HORMAD2: variants seen among roughly 807,000 people sequenced by gnomAD.
The protein encoded by HORMAD2 is HORMA domain containing 2, also known as HORMA domain-containing protein 2.
In HORMAD2, 45 loss-of-function variants were observed where a neutral mutation model predicts 38.8. The observed-to-expected ratio is 1.16, with a 90% CI of 0.91 to 1.49. The LOEUF (loss-of-function observed/expected upper bound fraction) is 1.49. Ranked by LOEUF, HORMAD2 falls within the 40% of genes most tolerant of loss-of-function variation. The pLI, the probability that HORMAD2 is intolerant of heterozygous loss-of-function variation, is 0.00. For missense variants in HORMAD2, 338 were observed against 367.0 expected (o/e 0.92, Z 0.65); for synonymous variants, 126 against 122.8 (o/e 1.03, Z -0.17).
intron 10 of HORMAD2, among the ~76,000 whole-genome samples, chr22:30,158,460 C>CCTTT (rs149994542): frequency 6.6e-6 from 1 of 151,878 alleles, no homozygotes; most frequent in Non-Finnish European, 1.5e-5. Context: ...CTCTTTCTTT[C>CCTTT]CTTTCTTTCT....
At chr22:30,189,605 C>T in the HORMAD2 span, among the ~76,000 whole-genome samples, 1 of 152,132 alleles carries the variant, frequency 6.6e-6, no homozygotes, top group Non-Finnish European at 1.5e-5. Flanking sequence ...CTGAGTGCAC[C>T]TGTACCACGT....
chr22:30,101,559 C>T (rs1240140006), intron 3 of HORMAD2, among the ~76,000 whole-genome samples: 1 of 150,946 alleles, frequency 6.6e-6, no homozygotes, highest in Admixed American at 6.6e-5. Flanking sequence ...CCTGCACTTT[C>T]TGCACATGTA....
the HORMAD2 span, among the ~76,000 whole-genome samples, chr22:30,189,841 T>G: frequency 6.6e-6 from 1 of 152,144 alleles, no homozygotes; most frequent in Non-Finnish European, 1.5e-5. Context: ...GCTGTTCCTG[T>G]GCTCTCACAC....
intron 10 of HORMAD2, among the ~76,000 whole-genome samples, chr22:30,131,213 C>A (rs959254338): frequency 6.6e-6 from 1 of 152,114 alleles, no homozygotes; most frequent in African/African-American, 2.4e-5. Flanking sequence ...AACCCAATCT[C>A]CTTAAAAAAT....
At position 30,113,873 on chromosome 22, in the gene HORMAD2, A is replaced by G. The variant is rs191221500; in HGVS notation, c.342+1351A>G. Among the ~76,000 whole-genome samples the G allele has an allele frequency of 3.0e-3, 458 of 152,296 alleles. 11 individuals carry two copies. Among genetic ancestry groups the G allele is most frequent in the Admixed American group, 0.026 (395 of 15,302 alleles). The stretch of plus-strand genomic sequence containing the variant: ...ACATACGGTAGGTAGCAATTCCTCA[A>G]TGCCCAAACTAGTTCTATCTTTTAT... On this transcript the variant is annotated intron_variant, in intron 7 of 10. Coordinates refer to ENST00000336726, the MANE Select transcript of HORMAD2 (RefSeq NM_152510.4).
At chr22:30,202,377 G>A in the HORMAD2 span, among the ~76,000 whole-genome samples, 3 of 151,872 alleles carry the variant, frequency 2.0e-5, no homozygotes, top group Non-Finnish European at 1.5e-5. Context: ...TTGGGGTGAG[G>A]AGTGGGAGTT....
Position 30,176,108 on chromosome 22 carries a change from T to C in HORMAD2, c.865T>C (p.Ser289Pro). ...FVCSQQSSEC[S>P]RKKRKVSEPV... Reference sequence around the variant, plus strand: ...GTGCAGTCAGCAAAGTTCTGAGTGCTCCAGGAAGAAGAGGAAGGTCAGTGA... The same window carrying C: ...GTGCAGTCAGCAAAGTTCTGAGTGCCCCAGGAAGAAGAGGAAGGTCAGTGA... The change falls in exon 11 of 11, where the codon TCC (serine) becomes CCC (proline). Residue 289 changes from serine to proline, a missense_variant. Coordinates refer to ENST00000336726, the MANE Select transcript of HORMAD2 (RefSeq NM_152510.4). 1.9e-6 allele frequency: 3 copies of C among 1,613,440 alleles called. No individual in the cohort carries two copies. The highest frequency in any genetic ancestry group is 2.5e-6 in the Non-Finnish European group (3 of 1,179,518).
At chr22:30,088,943 G>A (rs1455080044) in intron 1 of HORMAD2, among the ~76,000 whole-genome samples, 2 of 152,104 alleles carry the variant, frequency 1.3e-5, no homozygotes, top group African/African-American at 4.8e-5. Context: ...TATTAGATAT[G>A]AAGGTTATAG....
chr22:30,205,212 A>G, the HORMAD2 span, among the ~76,000 whole-genome samples: 1 of 152,204 alleles, frequency 6.6e-6, no homozygotes, highest in African/African-American at 2.4e-5. Context: ...TACAGATAGA[A>G]TAACTGGTCA....
intron 1 of HORMAD2, among the ~76,000 whole-genome samples, chr22:30,084,916 C>A (rs190646331): frequency 6.6e-6 from 1 of 151,902 alleles, no homozygotes; most frequent in Non-Finnish European, 1.5e-5. Flanking sequence ...GAGGCCGAGG[C>A]GGGCGGATCA....
At chr22:30,132,560 A>G (rs574248201) in intron 10 of HORMAD2, among the ~76,000 whole-genome samples, 2 of 151,820 alleles carry the variant, frequency 1.3e-5, no homozygotes, top group African/African-American at 4.8e-5. Flanking sequence ...AAACAAAACC[A>G]AAAAACCACA....
chr22:30,105,766 A>T (rs1921143640), intron 5 of HORMAD2, among the ~76,000 whole-genome samples: 1 of 152,174 alleles, frequency 6.6e-6, no homozygotes, highest in Non-Finnish European at 1.5e-5. Context: ...AAAATATTGA[A>T]ATATTTCTGT....
intron 10 of HORMAD2, among the ~76,000 whole-genome samples, chr22:30,123,844 A>AT (rs902108666): frequency 7.4e-5 from 11 of 148,998 alleles, no homozygotes; most frequent in South Asian, 6.4e-4. Context: ...CTTATTTTTT[A>AT]TTTTTTTTAG....
rs149978112 is a variant in HORMAD2, at chr22:30,176,089, T to C, written c.846T>C (p.Ser282=). 2.2e-5 allele frequency: 35 copies of C among 1,613,014 alleles called. No homozygotes were observed. In the African/African-American group the frequency reaches 2.9e-4, roughly 14 times the overall value. ...TTCAAAGAATGAATTTTGTGTGCAG[T>C]CAGCAAAGTTCTGAGTGCTCCAGGA... ...DHIQRMNFVC[S]QQSSECSRKK... Residue 282 remains serine, a synonymous_variant, in exon 11 of 11, where the codon AGT becomes AGC. Coordinates refer to ENST00000336726, the MANE Select transcript of HORMAD2 (RefSeq NM_152510.4).
chr22:30,158,167 G>T (rs1465650235), intron 10 of HORMAD2, among the ~76,000 whole-genome samples: 1 of 151,930 alleles, frequency 6.6e-6, no homozygotes, highest in African/African-American at 2.4e-5. Flanking sequence ...AATTCTCTCA[G>T]TGGAAATCCC....
intron 7 of HORMAD2, among the ~76,000 whole-genome samples, chr22:30,116,269 G>A (rs4823073): frequency 0.55 from 83,144 of 152,036 alleles, 23,650 homozygotes; most frequent in African/African-American, 0.69. Context: ...GGGACAGATG[G>A]GTAGGGCCTT....
intron 10 of HORMAD2, among the ~76,000 whole-genome samples, chr22:30,152,301 A>G (rs368100689): frequency 8.1e-4 from 123 of 152,030 alleles, no homozygotes; most frequent in African/African-American, 2.7e-3. Context: ...GGGCTCAAAC[A>G]ATCCTCCTGC....
rs1329684782 is a variant in HORMAD2 at position 30,176,050 on chromosome 22, G to T, written c.820-13G>T. 4.4e-6 allele frequency: 7 copies of T among 1,575,486 alleles called. No individual in the cohort carries two copies. In the Admixed American group the frequency reaches 1.2e-4, roughly 26 times the overall value. On this transcript the variant is annotated splice_polypyrimidine_tract_variant and intron_variant, in intron 10 of 10. Coordinates refer to ENST00000336726, the MANE Select transcript of HORMAD2 (RefSeq NM_152510.4). ...CTCTGCTGAATTGTGCCTCTCTCTG[G>T]TGATTCTCACAGATTCAAAGAATGA...
At chr22:30,178,739 G>T (rs945086855), downstream of HORMAD2, among the ~76,000 whole-genome samples, 1 of 152,130 alleles carries the variant, frequency 6.6e-6, no homozygotes, top group Non-Finnish European at 1.5e-5. Flanking sequence ...GACTGTGCTT[G>T]GTTCATCAGT....
Sources: allele counts gnomAD v4.1 joint callset (sites outside exome capture counted in the v4.1 genomes callset), GRCh38; gene constraint gnomAD v4.1.1; transcripts MANE v1.5; gene names NCBI Gene and HGNC (gene_info 2026-07-23, HGNC 2026-07-21).